FCHO2: variants seen among roughly 807,000 people sequenced by gnomAD.
FCHO2 encodes the protein F-BAR domain only protein 2.
Under a neutral mutation model 114.1 loss-of-function variants are expected in FCHO2, and 43 were observed. That is an observed-to-expected ratio of 0.38 (90% CI 0.30 to 0.49). The LOEUF (loss-of-function observed/expected upper bound fraction) is 0.49. Among genes scored for constraint, FCHO2 ranks in the 20% least tolerant of loss-of-function variants. FCHO2 has a pLI of 0.97. For synonymous variants in FCHO2, 293 were observed against 315.2 expected (o/e 0.93, Z 0.75); for missense variants, 807 against 950.4 (o/e 0.85, Z 1.98).
chr5:73,079,951 G>T (rs1164682447), intron 22 of FCHO2, among the ~76,000 whole-genome samples: 5 of 152,152 alleles, frequency 3.3e-5, no homozygotes, highest in Non-Finnish European at 5.9e-5. Flanking sequence ...TAATCTTGAA[G>T]TACAGAAGAC....
At chr5:72,988,186 T>G (rs530575521) in intron 2 of FCHO2, among the ~76,000 whole-genome samples, 6 of 152,308 alleles carry the variant, frequency 3.9e-5, no homozygotes, top group African/African-American at 7.2e-5. Flanking sequence ...ATGCCTGTAA[T>G]CCCAGCACTT....
chr5:73,077,276 C>T, intron 20 of FCHO2, 62 bp from the exon 21 acceptor site: 1 of 1,484,798 alleles, frequency 6.7e-7, no homozygotes, highest in Non-Finnish European at 9.0e-7. Context: ...CTTTTTAAAC[C>T]AAATACTTTA....
intron 1 of FCHO2, among the ~76,000 whole-genome samples, chr5:72,964,841 C>T (rs1356556635): frequency 6.6e-6 from 1 of 152,132 alleles, no homozygotes; most frequent in African/African-American, 2.4e-5. Flanking sequence ...CTGAGGTCAA[C>T]TGCAGTCTGA....
intron 8 of FCHO2, 165 bp from the exon 9 acceptor site, chr5:73,034,492 C>A: frequency 2.1e-6 from 1 of 480,582 alleles, no homozygotes. Context: ...AAATTTATTG[C>A]TGATATTTTA....
chr5:72,997,138 C>G, intron 5 of FCHO2: 2 of 1,121,660 alleles, frequency 1.8e-6, no homozygotes, highest in Non-Finnish European at 2.7e-6. Flanking sequence ...TTCACTCCCA[C>G]CATGATGGGG....
intron 24 of FCHO2, among the ~76,000 whole-genome samples, chr5:73,086,793 A>C (rs1743327485): frequency 6.6e-6 from 1 of 152,064 alleles, no homozygotes; most frequent in Non-Finnish European, 1.5e-5. Context: ...CTACCACTCT[A>C]GTCTCATCTG....
Position 72,968,501 on chromosome 5 carries a change from G to GA in FCHO2, c.44dup (p.Asn15LysfsTer2). 1.3e-6 allele frequency: 2 copies of GA among 1,497,076 alleles called. No individual in the cohort carries two copies. Among genetic ancestry groups the GA allele is most frequent in the Middle Eastern group, 1.8e-4 (1 of 5,634 alleles). 92.7% of individuals were successfully genotyped at this position (1,497,076 alleles called of 1,614,324 possible). On this transcript the variant is annotated frameshift_variant, in exon 2 of 26. Coordinates refer to ENST00000430046, the MANE Select transcript of FCHO2 (RefSeq NM_138782.3). LOFTEE classifies it high-confidence loss of function. ...TAAAAATCTTTTTAAATTTTAGGGGGAAAAAAATAGTGGCTTTGATGTCCT... is the reference window on the plus strand; with the variant it reads ...TAAAAATCTTTTTAAATTTTAGGGGGAAAAAAAATAGTGGCTTTGATGTCCT...
chr5:73,088,082 G>A lies in FCHO2; in HGVS notation c.2425G>A (p.Asp809Asn). ...KRFATGRYLADC is the reference protein window; with the variant it reads ...KRFATGRYLANC ...GCGTTTTTCAGGACGATACCTGGCG[G>A]ATTGTTGATGGACCTGGGAAAGTGA... The change falls in exon 26 of 26, where the codon GAT becomes AAT. Residue 809 changes from aspartate to asparagine, a missense_variant. Coordinates refer to ENST00000430046, the MANE Select transcript of FCHO2 (RefSeq NM_138782.3). 1 of 1,613,496 alleles carries A rather than the reference G, an allele frequency of 6.2e-7. No individual in the cohort carries two copies. The highest frequency in any genetic ancestry group is 8.5e-7 in the Non-Finnish European group (1 of 1,179,718).
intron 9 of FCHO2, among the ~76,000 whole-genome samples, chr5:73,036,058 C>G (rs1580142290): frequency 6.6e-6 from 1 of 152,118 alleles, no homozygotes; most frequent in East Asian, 1.9e-4. Flanking sequence ...GTTGGCCAGG[C>G]TGGTCTCAAA....
chr5:73,006,806 G>A lies in FCHO2; in HGVS notation c.600+257G>A, dbSNP rs140622837. Among the ~76,000 whole-genome samples the A allele has an allele frequency of 3.9e-3, 588 of 152,232 alleles. 1 individual carries two copies. The highest frequency in any genetic ancestry group is 6.6e-3 in the Non-Finnish European group (448 of 67,988). On this transcript the variant is annotated intron_variant, in intron 6 of 25. Transcript: ENST00000430046. ...GTAATTGGGGAAACTGAGGGCATTG[G>A]TACATGATGAAGACAGTGCTTAAGA...
intron 2 of FCHO2, among the ~76,000 whole-genome samples, chr5:72,985,364 G>A (rs1192611460): frequency 6.6e-6 from 1 of 151,990 alleles, no homozygotes; most frequent in African/African-American, 2.4e-5. Context: ...GTTTCACCAT[G>A]TTGGCCAGGC....
intron 2 of FCHO2, among the ~76,000 whole-genome samples, chr5:72,976,812 G>C (rs1447064549): frequency 7.0e-6 from 1 of 142,272 alleles, no homozygotes; most frequent in African/African-American, 2.6e-5. Context: ...CCTGGTGTGT[G>C]ATGTTCCCCT....
At chr5:73,018,056 A>G (rs1442249268) in intron 8 of FCHO2, among the ~76,000 whole-genome samples, 1 of 152,154 alleles carries the variant, frequency 6.6e-6, no homozygotes, top group African/African-American at 2.4e-5. Context: ...GTTTCACTCC[A>G]TAAGTAAAAA....
intron 6 of FCHO2, among the ~76,000 whole-genome samples, chr5:73,010,516 TAAC>T (rs1336585409): frequency 6.6e-6 from 1 of 152,140 alleles, no homozygotes; most frequent in Non-Finnish European, 1.5e-5. Context: ...CTGTGTCGCT[TAAC>T]AACAGGGATA....
In FCHO2 at chr5:73,006,529, A is replaced by G. The variant is rs1754729852; in HGVS notation, c.580A>G (p.Lys194Glu). Residue 194 changes from lysine to glutamate, a missense_variant, in exon 6 of 26, where the codon AAA becomes GAA. Physicochemically the swap from Lys to Glu is moderately conservative, Grantham distance 56 (BLOSUM62 1). Transcript: ENST00000430046. The part of the protein sequence containing the change: ...YALAKADFEQ[K>E]MTETAQKFQD... ...ATTAGCAAAAGCTGATTTCGAACAG[A>G]AAATGACAGAAACAGCTCAGGTTGG... 2 of 1,566,148 alleles carry G rather than the reference A, an allele frequency of 1.3e-6. No homozygotes were observed. Among genetic ancestry groups the G allele is most frequent in the Non-Finnish European group, 8.6e-7 (1 of 1,159,674 alleles).
chr5:73,044,665 C>T (rs1580157863), intron 11 of FCHO2, among the ~76,000 whole-genome samples: 4 of 151,976 alleles, frequency 2.6e-5, no homozygotes, highest in Admixed American at 2.6e-4. Context: ...TGTAATTGCT[C>T]TTTTTTTCTT....
intron 5 of FCHO2, among the ~76,000 whole-genome samples, chr5:73,002,028 G>A (rs961493417): frequency 1.3e-5 from 2 of 152,012 alleles, no homozygotes; most frequent in African/African-American, 2.4e-5. Flanking sequence ...CAGAGGGTAC[G>A]CTTCATAAAA....
At chr5:72,996,929 A>G in intron 5 of FCHO2, 2 of 1,599,774 alleles carry the variant, frequency 1.3e-6, no homozygotes, top group South Asian at 2.2e-5. Context: ...GATGATGCGG[A>G]CGCAGTGTCT....
In FCHO2 at chr5:73,082,841, C is replaced by A; in HGVS notation, c.2245+16C>A. On this transcript the variant is annotated intron_variant, in intron 24 of 25. Transcript: ENST00000430046. The stretch of plus-strand genomic sequence containing the variant: ...GAAAATGGAGGTAAGTGTGTGTGTC[C>A]TTTTTTATTTATAAAATGATGTCAC... 1 of 1,553,386 alleles carries A rather than the reference C, an allele frequency of 6.4e-7. No homozygotes were observed. The highest frequency in any genetic ancestry group is 8.7e-7 in the Non-Finnish European group (1 of 1,153,104).
Sources: allele counts gnomAD v4.1 joint callset (sites outside exome capture counted in the v4.1 genomes callset), GRCh38; gene constraint gnomAD v4.1.1; transcripts MANE v1.5; gene names NCBI Gene and HGNC (gene_info 2026-07-23, HGNC 2026-07-21).